Variants in GPR39 observed in about 807,000 individuals in gnomAD.
GPR39 encodes the protein zinc sensing receptor.
Under a neutral mutation model 18.4 loss-of-function variants are expected in GPR39, and 23 were observed. That is an observed-to-expected ratio of 1.25 (90% CI 0.90 to 1.77). The LOEUF is 1.77. Ranked by LOEUF, GPR39 falls within the 40% of genes most tolerant of loss-of-function variation. GPR39 has a pLI of 0.00. For missense variants in GPR39, 647 were observed against 602.4 expected, an observed-to-expected ratio of 1.07 and a Z score of -0.78; for synonymous variants, 280 against 257.9, an observed-to-expected ratio of 1.09 and a Z score of -0.82.
intron 1 of GPR39, among the ~76,000 whole-genome samples, chr2:132,631,802 T>C (rs897840174): frequency 2.6e-5 from 4 of 151,892 alleles, no homozygotes; most frequent in Admixed American, 2.0e-4. Context: ...TCAATTTAAA[T>C]GAAGTTTTTC....
At chr2:132,495,735 A>C (rs2104799929) in intron 1 of GPR39, among the ~76,000 whole-genome samples, 2 of 152,210 alleles carry the variant, frequency 1.3e-5, no homozygotes, top group Middle Eastern at 3.4e-3. Context: ...AAATTTTATC[A>C]GTATCTGGCT....
At chr2:132,585,939 G>A (rs1258285513) in intron 1 of GPR39, among the ~76,000 whole-genome samples, 1 of 123,906 alleles carries the variant, frequency 8.1e-6, no homozygotes, top group Non-Finnish European at 1.6e-5. Flanking sequence ...GCTTCTCGAA[G>A]CATCCCCGGT....
chr2:132,637,422 C>T (rs1681782158), intron 1 of GPR39, among the ~76,000 whole-genome samples: 1 of 152,198 alleles, frequency 6.6e-6, no homozygotes, highest in Non-Finnish European at 1.5e-5. Flanking sequence ...AGAGTTCTTT[C>T]CTGGGCTCCA....
In GPR39 at chr2:132,488,974, A is replaced by AT. The variant is rs564338339; in HGVS notation, c.856+71078dup. The AT allele has an allele frequency of 6.8e-4, 105 of 154,248 alleles. 1 individual carries two copies. The highest frequency in any genetic ancestry group is 2.2e-3 in the African/African-American group (90 of 41,260). 9.6% of individuals were successfully genotyped at this position (154,248 alleles called of 1,614,324 possible). A position where few individuals can be genotyped will look rare whatever the true frequency, so the allele number is the denominator to read the frequency against. On this transcript the variant is annotated intron_variant, in intron 1 of 1. Coordinates refer to ENST00000329321, the MANE Select transcript of GPR39 (RefSeq NM_001508.3). ...TCCTGTTCTTTTTCTCTCTCTCACTATTGAGGACCCCTATGACGCGGAGTC... is the reference window on the plus strand; with the variant it reads ...TCCTGTTCTTTTTCTCTCTCTCACTATTTGAGGACCCCTATGACGCGGAGTC...
intron 1 of GPR39, chr2:132,433,590 A>G (rs1680260935): frequency 6.6e-6 from 1 of 151,672 alleles, no homozygotes; most frequent in African/African-American, 2.4e-5. Context: ...TCACAAGAAA[A>G]AGCTGAATTT....
chr2:132,493,183 CAT>C (rs1193244465), intron 1 of GPR39, among the ~76,000 whole-genome samples: 6 of 136,840 alleles, frequency 4.4e-5, no homozygotes, highest in African/African-American at 1.7e-4. Flanking sequence ...ATATATACAC[CAT>C]ATATATACAC....
intron 1 of GPR39, among the ~76,000 whole-genome samples, chr2:132,551,680 C>A (rs866798142): frequency 3.1e-4 from 47 of 152,248 alleles, no homozygotes; most frequent in Middle Eastern, 3.4e-3. Context: ...TAGAGCCCAA[C>A]CTGTGGAAAC....
At chr2:132,429,515 A>C (rs994095865) in intron 1 of GPR39, among the ~76,000 whole-genome samples, 1 of 152,250 alleles carries the variant, frequency 6.6e-6, no homozygotes, top group Non-Finnish European at 1.5e-5. Flanking sequence ...AGAGTGCAGC[A>C]TGTGGCCTGG....
At chr2:132,554,547 A>G (rs1399667242) in intron 1 of GPR39, among the ~76,000 whole-genome samples, 3 of 152,310 alleles carry the variant, frequency 2.0e-5, no homozygotes, top group South Asian at 2.1e-4. Flanking sequence ...AGACACAGGT[A>G]GGCTGAAGGC....
chr2:132,478,661 C>T (rs781779100), intron 1 of GPR39, among the ~76,000 whole-genome samples: 1 of 152,142 alleles, frequency 6.6e-6, no homozygotes, highest in African/African-American at 2.4e-5. Context: ...TAAATGTATT[C>T]TTGTGAATTC....
In GPR39 at chr2:132,435,925, T is replaced by C. The variant is rs191142230; in HGVS notation, c.856+18027T>C. Among the ~76,000 whole-genome samples, 12 of 152,334 alleles carry C rather than the reference T, an allele frequency of 7.9e-5. No individual in the cohort carries two copies. The South Asian group carries it at 1.4e-3, about 18-fold the overall frequency. ...TGCTTTTCATTCCATTGTATGTCAA[T>C]GTCTGATACAATAGAAAAATGTTTT... On this transcript the variant is annotated intron_variant, in intron 1 of 1. Transcript: ENST00000329321.
At chr2:132,618,625 G>A (rs1480274703) in intron 1 of GPR39, among the ~76,000 whole-genome samples, 1 of 152,152 alleles carries the variant, frequency 6.6e-6, no homozygotes, top group South Asian at 2.1e-4. Flanking sequence ...TGAAGGGCTG[G>A]GCTCGGTGGT....
chr2:132,509,736 C>T (rs896943282), intron 1 of GPR39, among the ~76,000 whole-genome samples: 2 of 152,178 alleles, frequency 1.3e-5, no homozygotes, highest in African/African-American at 4.8e-5. Context: ...GAGGCACTGG[C>T]ATTGTGCATG....
intron 1 of GPR39, among the ~76,000 whole-genome samples, chr2:132,542,113 G>A (rs986136889): frequency 3.3e-5 from 5 of 152,112 alleles, no homozygotes; most frequent in African/African-American, 1.2e-4. Context: ...TGAATTGGGG[G>A]TTAAGTTTCA....
rs546677941 is a variant in GPR39, at chr2:132,531,376, G to C, written c.856+113478G>C. 5.9e-5 allele frequency among the ~76,000 whole-genome samples: 9 copies of C among 152,052 alleles called. No individual in the cohort carries two copies. The East Asian group carries it at 1.7e-3, about 29-fold the overall frequency. ...GAGCAAGTCCTTAGTGACCTGCAAA[G>C]AGACTTAGACTCCCACACAATAATA... is the stretch of plus-strand genomic sequence containing the variant. On this transcript the variant is annotated intron_variant, in intron 1 of 1. Transcript: ENST00000329321.
chr2:132,453,815 C>G (rs141348011), intron 1 of GPR39, among the ~76,000 whole-genome samples: 2,534 of 152,104 alleles, frequency 0.017, 79 homozygotes, highest in African/African-American at 0.054. Context: ...ATTTCTGAGG[C>G]CTCTCTTCTG....
At chr2:132,607,128 T>G (rs1445441530) in intron 1 of GPR39, among the ~76,000 whole-genome samples, 2 of 152,196 alleles carry the variant, frequency 1.3e-5, no homozygotes, top group African/African-American at 4.8e-5. Context: ...CAGGGAGTAT[T>G]CACATGAAAA....
intron 1 of GPR39, among the ~76,000 whole-genome samples, chr2:132,609,280 G>T (rs926058822): frequency 1.6e-4 from 24 of 152,300 alleles, no homozygotes; most frequent in African/African-American, 5.5e-4. Flanking sequence ...GTCAGGCCAG[G>T]TGCTTTTCTT....
intron 1 of GPR39, among the ~76,000 whole-genome samples, chr2:132,453,260 T>C (rs1680662178): frequency 6.6e-6 from 1 of 152,232 alleles, no homozygotes; most frequent in African/African-American, 2.4e-5. Context: ...CATGTGTCTG[T>C]TGGTGGCATA....
Sources: allele counts gnomAD v4.1 joint callset (sites outside exome capture counted in the v4.1 genomes callset), GRCh38; gene constraint gnomAD v4.1.1; transcripts MANE v1.5; gene names NCBI Gene and HGNC (gene_info 2026-07-23, HGNC 2026-07-21).